RAB38: variants seen among roughly 807,000 people sequenced by gnomAD.
RAB38 encodes RAB38, member RAS oncogene family, also known as ras-related protein Rab-38.
In RAB38, 15 loss-of-function variants were observed where a neutral mutation model predicts 18.4. That is an observed-to-expected ratio of 0.82 (90% CI 0.55 to 1.26). The LOEUF (loss-of-function observed/expected upper bound fraction) is 1.26. RAB38 is among the 50% of genes most tolerant of loss of function. RAB38 has a pLI of 0.00. For synonymous variants in RAB38, 101 were observed against 104.4 expected (o/e 0.97, Z 0.20); for missense variants, 294 against 267.4 (o/e 1.10, Z -0.69).
chr11:87,924,857 G>A, the RAB38 span, among the ~76,000 whole-genome samples: 1 of 151,966 alleles, frequency 6.6e-6, no homozygotes, highest in African/African-American at 2.4e-5. Flanking sequence ...GCCTCTCATT[G>A]TGTATACAAA....
chr11:87,893,746 T>C, the RAB38 span, among the ~76,000 whole-genome samples: 1 of 151,664 alleles, frequency 6.6e-6, no homozygotes, highest in Non-Finnish European at 1.5e-5. Flanking sequence ...TTTTGGCTAC[T>C]TTAGCTACTT....
At chr11:87,891,258 AC>A in the RAB38 span, among the ~76,000 whole-genome samples, 24 of 151,982 alleles carry the variant, frequency 1.6e-4, no homozygotes, top group Middle Eastern at 3.4e-3. Context: ...TCGAACAGAC[AC>A]CCTAAAGAAT....
the RAB38 span, among the ~76,000 whole-genome samples, chr11:88,086,465 T>C: frequency 6.6e-6 from 1 of 151,922 alleles, no homozygotes; most frequent in Non-Finnish European, 1.5e-5. Context: ...TAAGAGCTTA[T>C]GTGTTAAAGT....
chr11:88,077,024 AAAAG>A, the RAB38 span, among the ~76,000 whole-genome samples: 5,171 of 135,496 alleles, frequency 0.038, 300 homozygotes, highest in Non-Finnish European at 0.051. Context: ...AAAAGAAAAG[AAAAG>A]AAAGAAAGCA....
At chr11:88,068,945 G>A in the RAB38 span, among the ~76,000 whole-genome samples, 1 of 152,230 alleles carries the variant, frequency 6.6e-6, no homozygotes, top group Non-Finnish European at 1.5e-5. Context: ...TGGCCAGAGT[G>A]GACACGCTTG....
At chr11:88,141,717 A>T (rs1211156683) in intron 2 of RAB38, among the ~76,000 whole-genome samples, 3 of 152,020 alleles carry the variant, frequency 2.0e-5, no homozygotes, top group African/African-American at 7.3e-5. Context: ...CCTCCACCTT[A>T]TCCTTCAGCC....
chr11:88,005,538 G>T, the RAB38 span, among the ~76,000 whole-genome samples: 1 of 150,688 alleles, frequency 6.6e-6, no homozygotes, highest in African/African-American at 2.4e-5. Flanking sequence ...CACCTATTTT[G>T]TTGGTTGTCT....
chr11:88,150,801 A>G (rs1448395479), intron 1 of RAB38, among the ~76,000 whole-genome samples: 1 of 152,136 alleles, frequency 6.6e-6, no homozygotes, highest in Non-Finnish European at 1.5e-5. Context: ...ACTCTCAACC[A>G]CTAAATTATA....
chr11:88,074,547 T>C, the RAB38 span, among the ~76,000 whole-genome samples: 12 of 152,070 alleles, frequency 7.9e-5, no homozygotes, highest in Non-Finnish European at 1.8e-4. Context: ...CAAATACCTA[T>C]AATAGATTTA....
the RAB38 span, among the ~76,000 whole-genome samples, chr11:87,956,570 G>T: frequency 6.6e-6 from 1 of 151,970 alleles, no homozygotes; most frequent in Admixed American, 6.6e-5. Context: ...TAACCCCTAC[G>T]TGTCCAACCT....
At chr11:88,120,556 G>A (rs1942616705) in intron 2 of RAB38, among the ~76,000 whole-genome samples, 1 of 152,132 alleles carries the variant, frequency 6.6e-6, no homozygotes, top group Non-Finnish European at 1.5e-5. Flanking sequence ...GACAGACTGA[G>A]CCACATTGTC....
At chr11:88,101,074 C>T in the RAB38 span, among the ~76,000 whole-genome samples, 1 of 151,872 alleles carries the variant, frequency 6.6e-6, no homozygotes, top group Non-Finnish European at 1.5e-5. Context: ...TGTTTTCCTT[C>T]TCTTCATGTA....
At chr11:88,132,832 T>A (rs1225483670) in intron 2 of RAB38, among the ~76,000 whole-genome samples, 1 of 152,196 alleles carries the variant, frequency 6.6e-6, no homozygotes. Flanking sequence ...AACCACAGAA[T>A]AATATTTAAT....
At chr11:88,008,522 T>C in the RAB38 span, among the ~76,000 whole-genome samples, 2,925 of 152,218 alleles carry the variant, frequency 0.019, 93 homozygotes, top group African/African-American at 0.067. Context: ...CAGCAATCTG[T>C]ATGAAGAAGC....
At chr11:88,010,208 T>C in the RAB38 span, among the ~76,000 whole-genome samples, 9 of 152,314 alleles carry the variant, frequency 5.9e-5, no homozygotes, top group East Asian at 1.7e-3. Flanking sequence ...CACACTTGAC[T>C]TATGCTGTAT....
chr11:88,159,230 TAAATA>T (rs1943160152), intron 1 of RAB38, among the ~76,000 whole-genome samples: 2 of 131,990 alleles, frequency 1.5e-5, no homozygotes, highest in African/African-American at 2.7e-5. Flanking sequence ...AATAAATAAA[TAAATA>T]AAAATAAAAT....
chr11:88,092,342 GA>G, the RAB38 span, among the ~76,000 whole-genome samples: 4,442 of 35,486 alleles, frequency 0.13, 1,690 homozygotes, highest in Admixed American at 0.18. Context: ...GAGAGAGAGA[GA>G]GAGGGAGGGA....
chr11:88,037,096 T>G, the RAB38 span, among the ~76,000 whole-genome samples: 2 of 152,046 alleles, frequency 1.3e-5, no homozygotes, highest in Non-Finnish European at 2.9e-5. Flanking sequence ...ATCATCTAGT[T>G]TGAGTGATTT....
rs142723143 is a variant in RAB38, at chr11:88,166,726, T to C, written c.202+8457A>G. 35 of 152,270 alleles carry C rather than the reference T, an allele frequency of 2.3e-4. No individual in the cohort carries two copies. The East Asian group carries it at 6.6e-3, about 29-fold the overall frequency. The allele number at this position is 152,270 out of a possible 1,614,324, so 9.4% of individuals were successfully genotyped here. A position where few individuals can be genotyped will look rare whatever the true frequency, so the allele number is the denominator to read the frequency against. On this transcript the variant is annotated intron_variant, in intron 1 of 2. Coordinates refer to ENST00000243662, the MANE Select transcript of RAB38 (RefSeq NM_022337.3). ...GCAAAAACACAGCTTTTAAGAATGG[T>C]ATTTAAGGACATTTCCCAGTTTTCA...
Sources: gnomAD v4.1 joint callset for allele counts (sites outside exome capture counted in the v4.1 genomes callset) on GRCh38, gnomAD v4.1.1 for gene constraint, MANE v1.5 for transcripts, NCBI Gene and HGNC (gene_info 2026-07-23, HGNC 2026-07-21) for gene names.